MACROD1: variants seen among roughly 807,000 people sequenced by gnomAD.
MACROD1 encodes the protein mono-ADP ribosylhydrolase 1.
MACROD1 carries 31 observed loss-of-function variants against 41.4 expected under a neutral mutation model. The ratio of observed to expected loss-of-function variants is 0.75; its 90% CI spans 0.56 to 1.01. MACROD1 has a LOEUF of 1.01. Ranked by LOEUF, MACROD1 falls within the 50% of genes least tolerant of loss-of-function variation. The probability of loss-of-function intolerance (pLI) is 0.00; values close to 1 mark genes in which losing one functional copy is unlikely to be tolerated. For synonymous variants in MACROD1, 252 were observed against 203.4 expected (o/e 1.24, Z -2.03); for missense variants, 473 against 460.0 (o/e 1.03, Z -0.26).
intron 3 of MACROD1, among the ~76,000 whole-genome samples, chr11:64,145,636 T>C (rs138375520): frequency 9.0e-4 from 137 of 152,352 alleles, no homozygotes; most frequent in African/African-American, 3.2e-3. Flanking sequence ...CTCACTGCTC[T>C]GGGCTGGCAT....
chr11:64,050,161 A>G (rs1269969329), intron 3 of MACROD1, among the ~76,000 whole-genome samples: 1 of 150,386 alleles, frequency 6.6e-6, no homozygotes, highest in Non-Finnish European at 1.5e-5. Flanking sequence ...TCACCCTGCC[A>G]CTCCCACCTC....
chr11:64,059,425 C>T (rs1176151857), intron 3 of MACROD1, among the ~76,000 whole-genome samples: 3 of 152,168 alleles, frequency 2.0e-5, no homozygotes, highest in African/African-American at 7.2e-5. Flanking sequence ...GATGTCCCCC[C>T]AGGGTTGGAG....
intron 3 of MACROD1, among the ~76,000 whole-genome samples, chr11:64,123,567 A>C: frequency 2.0e-5 from 3 of 150,816 alleles, no homozygotes; most frequent in African/African-American, 7.4e-5. Flanking sequence ...AGATGGGGGC[A>C]CCTGCCCTGG....
intron 3 of MACROD1, among the ~76,000 whole-genome samples, chr11:64,050,382 A>G (rs372813152): frequency 3.7e-4 from 56 of 152,316 alleles, no homozygotes; most frequent in Middle Eastern, 3.4e-3. Context: ...GCAGCTGGAC[A>G]CGTAGGGGTC....
chr11:64,021,348 C>G (rs1238110073), intron 3 of MACROD1, among the ~76,000 whole-genome samples: 1 of 152,186 alleles, frequency 6.6e-6, no homozygotes, highest in Admixed American at 6.5e-5. Flanking sequence ...CGAAGGTGCT[C>G]AGGTGCAGGA....
In MACROD1 at chr11:64,117,263, T is replaced by C. The variant is rs772744996; in HGVS notation, c.517+33976A>G. The stretch of plus-strand genomic sequence containing the variant: ...TGCTCAGGAACAACCCTTGGTTTTG[T>C]GGCTGCAACCTCATGTGGCTGCGGG... On this transcript the variant is annotated intron_variant, in intron 3 of 10. Coordinates refer to ENST00000255681, the MANE Select transcript of MACROD1 (RefSeq NM_014067.4). The C allele has an allele frequency of 3.7e-6, 6 of 1,614,182 alleles. No homozygotes were observed. In the East Asian group the frequency reaches 1.1e-4, roughly 30 times the overall value.
At chr11:64,020,415 G>A (rs1179193805) in intron 3 of MACROD1, among the ~76,000 whole-genome samples, 1 of 152,048 alleles carries the variant, frequency 6.6e-6, no homozygotes, top group Non-Finnish European at 1.5e-5. Context: ...AGGGAACCCT[G>A]GGGGACTTGG....
At chr11:64,031,935 A>G (rs986071589) in intron 3 of MACROD1, among the ~76,000 whole-genome samples, 3 of 152,140 alleles carry the variant, frequency 2.0e-5, no homozygotes, top group Non-Finnish European at 2.9e-5. Flanking sequence ...CCCTCCTTGG[A>G]GGTGATACCC....
intron 3 of MACROD1, among the ~76,000 whole-genome samples, chr11:64,070,875 G>C (rs1197828911): frequency 6.6e-6 from 1 of 152,072 alleles, no homozygotes; most frequent in Non-Finnish European, 1.5e-5. Flanking sequence ...AATGAATGGG[G>C]CCCCCCTCTG....
Position 64,129,086 on chromosome 11 carries a change from G to A in MACROD1, c.517+22153C>T, listed in dbSNP as rs1565250773. 2.0e-5 allele frequency among the ~76,000 whole-genome samples: 3 copies of A among 152,370 alleles called. 1 individual carries two copies. The East Asian group carries it at 5.8e-4, about 29-fold the overall frequency. On this transcript the variant is annotated intron_variant, in intron 3 of 10. Transcript: ENST00000255681. ...ATCTGGGGACACCTGTGGAGCCCTCGAAGCTAGGGAAGAAGGGCTGTGTTC... is the reference window on the plus strand; with the variant it reads ...ATCTGGGGACACCTGTGGAGCCCTCAAAGCTAGGGAAGAAGGGCTGTGTTC...
chr11:64,038,114 G>A (rs1397590877), intron 3 of MACROD1, among the ~76,000 whole-genome samples: 1 of 152,084 alleles, frequency 6.6e-6, no homozygotes, highest in African/African-American at 2.4e-5. Flanking sequence ...CCCCATCTCC[G>A]AGGCCTCCCA....
chr11:64,039,832 C>T (rs1943451786), intron 3 of MACROD1, among the ~76,000 whole-genome samples: 1 of 152,164 alleles, frequency 6.6e-6, no homozygotes, highest in African/African-American at 2.4e-5. Context: ...TTCCTGCAGC[C>T]CTGGGTTTTA....
intron 1 of MACROD1, among the ~76,000 whole-genome samples, 167 bp downstream of exon 1, chr11:64,165,529 CG>C (rs913818916): frequency 4.2e-5 from 6 of 143,784 alleles, no homozygotes; most frequent in Middle Eastern, 3.5e-3. Context: ...CGCGCGGGGG[CG>C]GGGGGGGCTG....
Position 64,036,749 on chromosome 11 carries a change from G to C in MACROD1, c.518-21468C>G, listed in dbSNP as rs1943388059. 6.6e-6 allele frequency among the ~76,000 whole-genome samples: 1 copy of C among 152,226 alleles called. No homozygotes were observed. Among genetic ancestry groups the C allele is most frequent in the Admixed American group, 6.5e-5 (1 of 15,292 alleles). ...GTCAGCCCTGAGCCGGGCGGGGGCTGGGGCCGTACACCTGGCGGCTGGAAC... is the reference window on the plus strand; with the variant it reads ...GTCAGCCCTGAGCCGGGCGGGGGCTCGGGCCGTACACCTGGCGGCTGGAAC... On this transcript the variant is annotated intron_variant, in intron 3 of 10. Coordinates refer to ENST00000255681, the MANE Select transcript of MACROD1 (RefSeq NM_014067.4). The surrounding 1 kb of genome is among the most constrained non-coding windows in gnomAD (Gnocchi z 5.6).
chr11:64,111,757 A>C (rs773714674), intron 3 of MACROD1, among the ~76,000 whole-genome samples: 27 of 152,190 alleles, frequency 1.8e-4, no homozygotes, highest in Non-Finnish European at 2.9e-4. Context: ...TCCTGGCTTC[A>C]AGCCCGTCCT....
At chr11:63,999,805 G>A in intron 5 of MACROD1, 42 bp from the exon 6 acceptor site, 2 of 1,580,204 alleles carry the variant, frequency 1.3e-6, no homozygotes, top group East Asian at 2.3e-5. Context: ...GGTCTACGCG[G>A]TCCTCAGCTC....
Position 63,998,949 on chromosome 11 carries a change from A to G in MACROD1, c.973+6T>C, listed in dbSNP as rs377314874. The G allele has an allele frequency of 5.2e-5, 82 of 1,587,358 alleles. No homozygotes were observed. In the African/African-American group the frequency reaches 9.4e-4, roughly 18 times the overall value. ...GGCGGGCCGTGGGGCGGCGCGGGGC[A>G]CGTACCCACGGGGAAGTAGTGGGGG... is the stretch of plus-strand genomic sequence containing the variant. On this transcript the variant is annotated splice_donor_region_variant and intron_variant, in intron 9 of 10. Transcript: ENST00000255681.
At chr11:64,092,251 T>TA (rs1269423381) in intron 3 of MACROD1, among the ~76,000 whole-genome samples, 2 of 152,160 alleles carry the variant, frequency 1.3e-5, no homozygotes, top group Admixed American at 1.3e-4. Flanking sequence ...GTCTGCCTCT[T>TA]AAAAAAATTA....
chr11:64,159,640 C>G (rs1945723480), intron 1 of MACROD1, among the ~76,000 whole-genome samples: 1 of 151,892 alleles, frequency 6.6e-6, no homozygotes, highest in East Asian at 2.0e-4. Flanking sequence ...ACTAAAAATA[C>G]AAAATTAGCC....
Sources: allele counts gnomAD v4.1 joint callset (sites outside exome capture counted in the v4.1 genomes callset), GRCh38; gene constraint gnomAD v4.1.1; non-coding constraint Gnocchi (gnomAD v3.1); transcripts MANE v1.5; gene names NCBI Gene and HGNC (gene_info 2026-07-23, HGNC 2026-07-21).